IMMP2L: variants seen among roughly 807,000 people sequenced by gnomAD.
IMMP2L encodes inner mitochondrial membrane peptidase subunit 2, also known as mitochondrial inner membrane protease subunit 2.
IMMP2L carries 18 observed loss-of-function variants against 19.3 expected under a neutral mutation model. The observed-to-expected ratio is 0.93, with a 90% CI of 0.64 to 1.38. The LOEUF (loss-of-function observed/expected upper bound fraction) is 1.38, where lower values mean the gene tolerates loss of function less well. IMMP2L is among the 40% of genes most tolerant of loss of function. IMMP2L has a pLI of 0.00. For synonymous variants in IMMP2L, 76 were observed against 73.0 expected (o/e 1.04, Z -0.21); for missense variants, 233 against 218.2 (o/e 1.07, Z -0.43).
At position 111,164,940 on chromosome 7, in the gene IMMP2L, T is replaced by A. The variant is rs1805662833; in HGVS notation, c.240-201375A>T. Among the ~76,000 whole-genome samples, 3 of 152,220 alleles carry A rather than the reference T, an allele frequency of 2.0e-5. No individual in the cohort carries two copies. The South Asian group carries it at 6.2e-4, about 32-fold the overall frequency. ...CATAGCATAATATTTACTATCTTAA[T>A]TATATTTAAGTGTAGCATTCAGTGG... On this transcript the variant is annotated intron_variant, in intron 3 of 5. Transcript: ENST00000405709.
intron 5 of IMMP2L, among the ~76,000 whole-genome samples, chr7:110,698,390 T>C (rs1056146468): frequency 6.6e-6 from 1 of 152,210 alleles, no homozygotes; most frequent in Non-Finnish European, 1.5e-5. Context: ...CCCTTAATAA[T>C]AATACTTAAG....
At chr7:111,281,264 AGAGAGAAAGAAAGAGAAG>A (rs1819847101) in intron 3 of IMMP2L, among the ~76,000 whole-genome samples, 3 of 88,566 alleles carry the variant, frequency 3.4e-5, no homozygotes, top group Non-Finnish European at 4.5e-5. Flanking sequence ...AGAGAAAGAG[AGAGAGAAAGAAAGAGAAG>A]GAAAGAAAGA....
In IMMP2L at chr7:111,519,348, A is replaced by AG. The variant is rs1393144672; in HGVS notation, c.135+1964_135+1965insC. On this transcript the variant is annotated intron_variant, in intron 2 of 5. Coordinates refer to ENST00000405709, the MANE Select transcript of IMMP2L (RefSeq NM_032549.4). ...CTCGTGCCTTCCTTGTGTGTATATA[A>AG]TAAGCCTTCCAATAAATCCCCTTTA... 6.6e-4 allele frequency among the ~76,000 whole-genome samples: 101 copies of AG among 152,250 alleles called. 2 individuals are homozygous for AG. The highest frequency in any genetic ancestry group is 1.1e-3 in the Non-Finnish European group (75 of 67,996).
rs542950649 is a variant in IMMP2L at position 110,929,615 on chromosome 7, G to C, written c.305+33885C>G. ...ACTGAAACTGCACTGAATTGTTCAC[G>C]TAACAGCTGTAAATCAAGATTGACT... On this transcript the variant is annotated intron_variant, in intron 4 of 5. Coordinates refer to ENST00000405709, the MANE Select transcript of IMMP2L (RefSeq NM_032549.4). Among the ~76,000 whole-genome samples the C allele has an allele frequency of 5.3e-5, 8 of 152,244 alleles. No homozygotes were observed. The South Asian group carries it at 1.0e-3, about 20-fold the overall frequency.
chr7:111,249,386 C>A (rs965327234), intron 3 of IMMP2L, among the ~76,000 whole-genome samples: 5 of 143,736 alleles, frequency 3.5e-5, no homozygotes, highest in Admixed American at 7.0e-5. Context: ...GGCTCGCGCA[C>A]GGTGCGCACA....
At chr7:110,741,863 A>C (rs1797008672) in intron 5 of IMMP2L, among the ~76,000 whole-genome samples, 2 of 152,200 alleles carry the variant, frequency 1.3e-5, no homozygotes, top group African/African-American at 4.8e-5. Context: ...GTAATGTATA[A>C]ATCAATTTGG....
intron 5 of IMMP2L, among the ~76,000 whole-genome samples, chr7:110,732,768 T>C (rs983904309): frequency 6.6e-6 from 1 of 152,060 alleles, no homozygotes; most frequent in African/African-American, 2.4e-5. Flanking sequence ...ATGGAAAAGA[T>C]GAAGGCTCAA....
chr7:110,989,951 A>G (rs2129559414), intron 3 of IMMP2L, among the ~76,000 whole-genome samples: 2 of 152,204 alleles, frequency 1.3e-5, no homozygotes, highest in Non-Finnish European at 2.9e-5. Flanking sequence ...ACAAAAACCG[A>G]TGCTATTTTG....
chr7:111,074,719 G>T (rs541343813), intron 3 of IMMP2L, among the ~76,000 whole-genome samples: 1 of 152,192 alleles, frequency 6.6e-6, no homozygotes, highest in South Asian at 2.1e-4. Context: ...TTCTTCAAAT[G>T]CCTTTTTAAC....
intron 3 of IMMP2L, among the ~76,000 whole-genome samples, chr7:111,044,660 T>G (rs1792216296): frequency 6.6e-6 from 1 of 152,250 alleles, no homozygotes; most frequent in African/African-American, 2.4e-5. Context: ...GTCATATTTC[T>G]TAACTATTCA....
chr7:110,840,173 T>G (rs1192650906), intron 5 of IMMP2L, among the ~76,000 whole-genome samples: 3 of 152,160 alleles, frequency 2.0e-5, no homozygotes, highest in African/African-American at 7.2e-5. Flanking sequence ...AAGCTCTTTG[T>G]AGGTCCTGGT....
intron 3 of IMMP2L, among the ~76,000 whole-genome samples, chr7:110,987,010 A>T (rs1738554118): frequency 6.6e-6 from 1 of 152,142 alleles, no homozygotes; most frequent in Non-Finnish European, 1.5e-5. Flanking sequence ...ATAGTAAAAA[A>T]TTCTTTACTG....
chr7:110,712,956 A>C (rs1198431992), intron 5 of IMMP2L, among the ~76,000 whole-genome samples: 1 of 150,852 alleles, frequency 6.6e-6, no homozygotes, highest in African/African-American at 2.4e-5. Context: ...GGAAATGCAG[A>C]AATCACCCGT....
chr7:111,485,597 CAAAAAAAAAAAAAA>C (rs71147477), intron 3 of IMMP2L, among the ~76,000 whole-genome samples: 29 of 50,592 alleles, frequency 5.7e-4, no homozygotes, highest in East Asian at 1.9e-3. Flanking sequence ...GACTCTGTTT[CAAAAAAAAAAAAAA>C]AAAAAAAAAA....
At chr7:111,303,474 T>C (rs573559007) in intron 3 of IMMP2L, among the ~76,000 whole-genome samples, 1 of 152,266 alleles carries the variant, frequency 6.6e-6, no homozygotes, top group South Asian at 2.1e-4. Flanking sequence ...GCAATGCTTT[T>C]ACTTACCTCT....
At chr7:111,169,356 T>G (rs1488383454) in intron 3 of IMMP2L, among the ~76,000 whole-genome samples, 2 of 151,776 alleles carry the variant, frequency 1.3e-5, no homozygotes, top group African/African-American at 4.8e-5. Context: ...AATCCAAAAT[T>G]TTCTCAGTTG....
intron 3 of IMMP2L, among the ~76,000 whole-genome samples, chr7:111,103,218 T>C (rs964672354): frequency 4.0e-5 from 6 of 151,626 alleles, no homozygotes; most frequent in Non-Finnish European, 5.9e-5. Flanking sequence ...AAAACCTGTA[T>C]TAGCATTTCT....
chr7:111,442,404 G>C (rs1320030160), intron 3 of IMMP2L, among the ~76,000 whole-genome samples: 1 of 151,740 alleles, frequency 6.6e-6, no homozygotes, highest in Non-Finnish European at 1.5e-5. Flanking sequence ...ACATGTACTT[G>C]AGAACTTCAT....
intron 3 of IMMP2L, among the ~76,000 whole-genome samples, chr7:111,105,759 A>G (rs1039506791): frequency 6.6e-6 from 1 of 151,886 alleles, no homozygotes; most frequent in Admixed American, 6.6e-5. Flanking sequence ...AAAGGTGAAA[A>G]GAAAAAAAAA....
Sources: gnomAD v4.1 joint callset for allele counts (sites outside exome capture counted in the v4.1 genomes callset) on GRCh38, gnomAD v4.1.1 for gene constraint, MANE v1.5 for transcripts, NCBI Gene and HGNC (gene_info 2026-07-23, HGNC 2026-07-21) for gene names.